Variants in ITPR1 observed in about 807,000 individuals in gnomAD.
ITPR1 encodes inositol 1,4,5-trisphosphate receptor type 1, also known as inositol 1,4,5-trisphosphate-gated calcium channel ITPR1.
A neutral mutation model predicts 318.4 loss-of-function variants in ITPR1; 96 were observed. That is an observed-to-expected ratio of 0.30 (90% CI 0.26 to 0.36). ITPR1 has a LOEUF of 0.36. Among genes scored for constraint, ITPR1 ranks in the 10% least tolerant of loss-of-function variants. ITPR1 has a pLI of 1.00. For synonymous variants in ITPR1, 1,312 were observed against 1,289.9 expected (o/e 1.02, Z -0.37); for missense variants, 2,440 against 3,460.2 (o/e 0.71, Z 7.40).
intron 61 of ITPR1, 47 bp downstream of exon 61, chr3:4,836,982 C>T (rs755950406): frequency 7.6e-6 from 11 of 1,451,000 alleles, no homozygotes; most frequent in Non-Finnish European, 9.3e-6. Flanking sequence ...ACTATCCCCA[C>T]CCACACCCAC....
At chr3:4,616,223 A>C (rs2092383692) in intron 4 of ITPR1, among the ~76,000 whole-genome samples, 1 of 152,222 alleles carries the variant, frequency 6.6e-6, no homozygotes, top group African/African-American at 2.4e-5. Context: ...CTATCCATTC[A>C]TTTATTAATT....
intron 4 of ITPR1, among the ~76,000 whole-genome samples, chr3:4,621,625 G>A (rs945701311): frequency 2.0e-5 from 3 of 152,208 alleles, no homozygotes; most frequent in African/African-American, 7.2e-5. Flanking sequence ...TTCCTACTGT[G>A]TTTAGGATGA....
chr3:4,603,209 A>G (rs887669477), intron 4 of ITPR1, among the ~76,000 whole-genome samples: 15 of 152,184 alleles, frequency 9.9e-5, no homozygotes, highest in Admixed American at 6.5e-4. Context: ...ACAGTCAGCT[A>G]TAATTTTTAA....
chr3:4,706,965 A>G (rs2094771351), intron 37 of ITPR1, among the ~76,000 whole-genome samples: 1 of 152,228 alleles, frequency 6.6e-6, no homozygotes, highest in African/African-American at 2.4e-5. Flanking sequence ...CATAGGTCAC[A>G]GTTTGAGAAT....
At chr3:4,819,458 C>T (rs1301336687) in intron 60 of ITPR1, among the ~76,000 whole-genome samples, 1 of 152,208 alleles carries the variant, frequency 6.6e-6, no homozygotes, top group Non-Finnish European at 1.5e-5. Flanking sequence ...TTTCCAACAA[C>T]CTTCCAGGAG....
At chr3:4,612,186 C>T (rs182317825) in intron 4 of ITPR1, among the ~76,000 whole-genome samples, 49 of 151,588 alleles carry the variant, frequency 3.2e-4, no homozygotes, top group African/African-American at 1.1e-3. Context: ...CTCAGCCTCC[C>T]GAGTAGCTGG....
At chr3:4,547,110 G>C (rs149424941) in intron 4 of ITPR1, among the ~76,000 whole-genome samples, 1 of 152,172 alleles carries the variant, frequency 6.6e-6, no homozygotes, top group Non-Finnish European at 1.5e-5. Context: ...TCCATTCAAG[G>C]CCTGTGCTAG....
intron 59 of ITPR1, 41 bp from the exon 60 acceptor site, chr3:4,818,035 ACCAAGG>A: frequency 6.6e-7 from 1 of 1,524,468 alleles, no homozygotes; most frequent in Admixed American, 2.0e-5. Context: ...TTTTTTCTTT[ACCAAGG>A]CTGCTCAGCT....
intron 5 of ITPR1, among the ~76,000 whole-genome samples, chr3:4,634,896 A>C (rs552153864): frequency 3.3e-5 from 5 of 151,998 alleles, no homozygotes; most frequent in African/African-American, 1.2e-4. Context: ...GCACCACCAC[A>C]CCTGGCTAAT....
intron 4 of ITPR1, among the ~76,000 whole-genome samples, chr3:4,545,043 G>T (rs867158493): frequency 6.6e-6 from 1 of 151,910 alleles, no homozygotes; most frequent in African/African-American, 2.4e-5. Context: ...CAATCCTTCC[G>T]CCTCAGCCTC....
chr3:4,563,891 G>C (rs1478652238), intron 4 of ITPR1, among the ~76,000 whole-genome samples: 1 of 151,970 alleles, frequency 6.6e-6, no homozygotes, highest in East Asian at 1.9e-4. Context: ...TTGAACGACA[G>C]AAATTTATTG....
rs768968002 is a variant in ITPR1, at chr3:4,768,609, G to C, written c.5824G>C (p.Ala1942Pro). 38 of 1,613,918 alleles carry C rather than the reference G, an allele frequency of 2.4e-5. No homozygotes were observed. The highest frequency in any genetic ancestry group is 2.7e-5 in the Non-Finnish European group (32 of 1,179,914). Residue 1942 changes from alanine to proline, a missense_variant, in exon 46 of 62, where the codon GCT (alanine) becomes CCT (proline). This residue lies in a region of ITPR1 where 113 missense variants were observed against 103.6 expected (regional missense o/e 1.09). Coordinates refer to ENST00000649015, the MANE Select transcript of ITPR1 (RefSeq NM_001378452.1). ...RKAFTTFRRE[A>P]DPDDHYQPGE... ...AGCCTTCACCACTTTCAGGAGGGAG[G>C]CTGATCCCGACGACCACTACCAGCC...
chr3:4,609,711 T>C (rs939812662), intron 4 of ITPR1, among the ~76,000 whole-genome samples: 2 of 151,528 alleles, frequency 1.3e-5, no homozygotes, highest in Non-Finnish European at 2.9e-5. Flanking sequence ...ACCTCACATG[T>C]GGTCGGGGCT....
chr3:4,594,043 T>C (rs1433391100), intron 4 of ITPR1, among the ~76,000 whole-genome samples: 1 of 152,180 alleles, frequency 6.6e-6, no homozygotes. Context: ...CTTGAACCTG[T>C]GGCAGAGGCA....
intron 55 of ITPR1, among the ~76,000 whole-genome samples, chr3:4,808,695 TCTA>T (rs1297062205): frequency 6.6e-6 from 1 of 152,152 alleles, no homozygotes; most frequent in Admixed American, 6.5e-5. Flanking sequence ...TTCAAATTAT[TCTA>T]CTAATAAGGA....
rs571969975 is a variant in ITPR1 at position 4,733,001 on chromosome 3, A to G, written c.5221-87A>G. On this transcript the variant is annotated intron_variant, in intron 42 of 61. Coordinates refer to ENST00000649015, the MANE Select transcript of ITPR1 (RefSeq NM_001378452.1). ...GCCAAGTGAAACTGGGCCAATTATAACTGAGTACCCCTGTGTGTTTTGAAT... is the reference window on the plus strand; with the variant it reads ...GCCAAGTGAAACTGGGCCAATTATAGCTGAGTACCCCTGTGTGTTTTGAAT... 1.2e-4 allele frequency: 159 copies of G among 1,370,864 alleles called. 1 individual carries two copies. In the African/African-American group the frequency reaches 1.7e-3, roughly 15 times the overall value. The allele number at this position is 1,370,864 out of a possible 1,614,324, so 84.9% of individuals were successfully genotyped here. A position where few individuals can be genotyped will look rare whatever the true frequency, so the allele number is the denominator to read the frequency against.
intron 5 of ITPR1, among the ~76,000 whole-genome samples, chr3:4,632,442 A>G (rs914609947): frequency 6.6e-6 from 1 of 152,138 alleles, no homozygotes; most frequent in African/African-American, 2.4e-5. Context: ...TGCCAAGTGG[A>G]GAGTCCCATG....
At position 4,727,299 on chromosome 3, in the gene ITPR1, A is replaced by G. The variant is rs1201271710; in HGVS notation, c.5220+126A>G. On this transcript the variant is annotated intron_variant, in intron 42 of 61. Transcript: ENST00000649015. ...TATTGTTAAAGCATTAATTGACTCA[A>G]GAGCAATCACAGCCATGTATATAAA... The G allele has an allele frequency of 4.0e-5, 26 of 648,682 alleles. 2 individuals are homozygous for G. In the South Asian group the frequency reaches 4.5e-4, roughly 11 times the overall value. 40.2% of individuals were successfully genotyped at this position (648,682 alleles called of 1,614,324 possible).
intron 60 of ITPR1, among the ~76,000 whole-genome samples, chr3:4,829,102 A>G (rs76494080): frequency 0.021 from 3,266 of 152,308 alleles, 126 homozygotes; most frequent in African/African-American, 0.074. Context: ...GGACATTTTT[A>G]TAGCCATCTG....
Sources: gnomAD v4.1 joint callset for allele counts (sites outside exome capture counted in the v4.1 genomes callset) on GRCh38, gnomAD v4.1.1 for gene constraint, gnomAD v4.1.1 regional missense constraint, MANE v1.5 for transcripts, NCBI Gene and HGNC (gene_info 2026-07-23, HGNC 2026-07-21) for gene names.